CDH13: variants seen among roughly 807,000 people sequenced by gnomAD.
CDH13 encodes cadherin 13, also known as cadherin-13.
A neutral mutation model predicts 63.8 loss-of-function variants in CDH13; 24 were observed. The ratio of observed to expected loss-of-function variants is 0.38; its 90% confidence interval spans 0.27 to 0.53. CDH13 has a LOEUF of 0.53. CDH13 is among the 20% of genes least tolerant of loss of function. The pLI, the probability that CDH13 is intolerant of heterozygous loss-of-function variation, is 0.85. For missense variants in CDH13, 1,049 were observed against 903.1 expected, an observed-to-expected ratio of 1.16 and a Z score of -2.07; for synonymous variants, 503 against 355.3, an observed-to-expected ratio of 1.42 and a Z score of -4.67.
chr16:83,233,329 A>G (rs374797142), intron 5 of CDH13, among the ~76,000 whole-genome samples: 1 of 152,328 alleles, frequency 6.6e-6, no homozygotes. Context: ...GATGATCATA[A>G]GCAGTGCTTG....
At chr16:83,431,824 C>G (rs982411981) in intron 6 of CDH13, among the ~76,000 whole-genome samples, 1 of 152,116 alleles carries the variant, frequency 6.6e-6, no homozygotes, top group Admixed American at 6.5e-5. Flanking sequence ...CCCGCCAGGC[C>G]CCACCTCCAA....
At chr16:83,329,689 T>C (rs6563899) in intron 5 of CDH13, among the ~76,000 whole-genome samples, 87,431 of 151,966 alleles carry the variant, frequency 0.58, 25,249 homozygotes, top group Middle Eastern at 0.65. Context: ...TTGCCCCCTT[T>C]CTGTGTCCTT....
At chr16:82,666,070 T>C (rs1912546334) in intron 1 of CDH13, among the ~76,000 whole-genome samples, 1 of 152,180 alleles carries the variant, frequency 6.6e-6, no homozygotes, top group Non-Finnish European at 1.5e-5. Context: ...AGAACCTTTA[T>C]GAGAGGGTGT....
At chr16:83,216,895 A>G (rs2039551829) in intron 4 of CDH13, among the ~76,000 whole-genome samples, 1 of 152,078 alleles carries the variant, frequency 6.6e-6, no homozygotes, top group East Asian at 1.9e-4. Context: ...ACCTAGTAGA[A>G]GTGACAGGGC....
At chr16:82,674,818 CTGCCTTCTGAGACA>C (rs1195405635) in intron 1 of CDH13, among the ~76,000 whole-genome samples, 1 of 152,188 alleles carries the variant, frequency 6.6e-6, no homozygotes, top group Non-Finnish European at 1.5e-5. Flanking sequence ...GGGACGGGGG[CTGCCTTCTGAGACA>C]CAAATGGATG....
At chr16:83,694,466 C>T (rs1483559959) in intron 10 of CDH13, among the ~76,000 whole-genome samples, 1 of 152,194 alleles carries the variant, frequency 6.6e-6, no homozygotes, top group Non-Finnish European at 1.5e-5. Context: ...AACATCCACT[C>T]CAAAACCCTT....
chr16:83,333,251 T>C (rs2090515983), intron 5 of CDH13, among the ~76,000 whole-genome samples: 1 of 152,036 alleles, frequency 6.6e-6, no homozygotes, highest in African/African-American at 2.4e-5. Flanking sequence ...GTTGTTGGCG[T>C]CAGAGAGAAA....
chr16:83,314,197 TG>T (rs2090058777), intron 5 of CDH13, among the ~76,000 whole-genome samples: 1 of 152,214 alleles, frequency 6.6e-6, no homozygotes, highest in South Asian at 2.1e-4. Context: ...CAACACACTT[TG>T]GGAAACGGAC....
intron 1 of CDH13, among the ~76,000 whole-genome samples, chr16:82,822,361 A>C (rs1005326664): frequency 6.6e-6 from 1 of 152,200 alleles, no homozygotes; most frequent in African/African-American, 2.4e-5. Context: ...TTAAGGTAGA[A>C]AAAGTAAGAT....
chr16:83,456,598 G>A (rs891208426), intron 6 of CDH13, among the ~76,000 whole-genome samples: 29 of 152,120 alleles, frequency 1.9e-4, no homozygotes, highest in Non-Finnish European at 8.8e-5. Flanking sequence ...GGAAGGAAGG[G>A]CATTTCAGAC....
intron 5 of CDH13, among the ~76,000 whole-genome samples, chr16:83,302,221 T>G (rs1047598661): frequency 7.9e-5 from 12 of 152,200 alleles, no homozygotes; most frequent in African/African-American, 2.9e-4. Flanking sequence ...TCAGAATCCC[T>G]AATTTTAAGC....
chr16:83,385,956 G>T (rs573447617), intron 6 of CDH13, among the ~76,000 whole-genome samples: 1 of 152,180 alleles, frequency 6.6e-6, no homozygotes, highest in African/African-American at 2.4e-5. Flanking sequence ...TGTGGAATAT[G>T]AACTATGACC....
chr16:83,774,170 A>G (rs1914950253), intron 11 of CDH13, among the ~76,000 whole-genome samples: 1 of 152,174 alleles, frequency 6.6e-6, no homozygotes, highest in Admixed American at 6.5e-5. Flanking sequence ...TGATACCAGC[A>G]AGCCTAGGAC....
intron 7 of CDH13, among the ~76,000 whole-genome samples, chr16:83,493,876 A>G (rs1459437010): frequency 6.6e-6 from 1 of 152,228 alleles, no homozygotes; most frequent in Non-Finnish European, 1.5e-5. Context: ...AGACAGGTTG[A>G]GACTGACAAG....
chr16:82,736,237 C>T (rs2033666794), intron 1 of CDH13, among the ~76,000 whole-genome samples: 1 of 152,088 alleles, frequency 6.6e-6, no homozygotes, highest in African/African-American at 2.4e-5. Context: ...GTAATGGGCA[C>T]CTGGGTGGGT....
chr16:83,502,661 T>C (rs1038282729), intron 7 of CDH13, among the ~76,000 whole-genome samples: 2 of 152,082 alleles, frequency 1.3e-5, no homozygotes, highest in Non-Finnish European at 2.9e-5. Context: ...AATACATTAG[T>C]TTTGGGGGCT....
At chr16:83,765,553 TAC>T (rs1567581589) in intron 11 of CDH13, among the ~76,000 whole-genome samples, 2 of 95,658 alleles carry the variant, frequency 2.1e-5, no homozygotes, top group African/African-American at 7.6e-5. Context: ...TATATATATA[TAC>T]ACACACACAA....
At chr16:83,549,691 G>A (rs927007198) in intron 7 of CDH13, among the ~76,000 whole-genome samples, 2 of 150,580 alleles carry the variant, frequency 1.3e-5, no homozygotes, top group African/African-American at 4.9e-5. Flanking sequence ...CTCAGCATGA[G>A]AAATCAAGTT....
chr16:83,720,844 A>T (rs1024269794), intron 10 of CDH13, among the ~76,000 whole-genome samples: 3 of 152,186 alleles, frequency 2.0e-5, no homozygotes, highest in Non-Finnish European at 4.4e-5. Flanking sequence ...CTTTCAAGCA[A>T]GGTCCTGTCA....
Sources: allele counts gnomAD v4.1 joint callset (sites outside exome capture counted in the v4.1 genomes callset), GRCh38; gene constraint gnomAD v4.1.1; transcripts MANE v1.5; gene names NCBI Gene and HGNC (gene_info 2026-07-23, HGNC 2026-07-21).